BTBD9: variants seen among roughly 807,000 people sequenced by gnomAD.
The protein encoded by BTBD9 is BTB domain containing 9.
Under a neutral mutation model 64.3 loss-of-function variants are expected in BTBD9, and 49 were observed. That is an observed-to-expected ratio of 0.76 (90% CI 0.61 to 0.97). The LOEUF (loss-of-function observed/expected upper bound fraction) is 0.97. Among genes scored for constraint, BTBD9 ranks in the 50% least tolerant of loss-of-function variants. The pLI is 0.00. For missense variants in BTBD9, 598 were observed against 762.1 expected, an observed-to-expected ratio of 0.78 and a Z score of 2.53; for synonymous variants, 260 against 274.7, an observed-to-expected ratio of 0.95 and a Z score of 0.53.
intron 9 of BTBD9, among the ~76,000 whole-genome samples, chr6:38,243,682 G>A (rs1764085358): frequency 6.6e-6 from 1 of 152,156 alleles, no homozygotes; most frequent in African/African-American, 2.4e-5. Flanking sequence ...AACAAAAGCA[G>A]GGACACCAAA....
chr6:38,400,274 C>G (rs1167790108), intron 6 of BTBD9, among the ~76,000 whole-genome samples: 2 of 152,106 alleles, frequency 1.3e-5, no homozygotes, highest in Non-Finnish European at 2.9e-5. Flanking sequence ...AGCAACACAC[C>G]TGTTTTAAGT....
chr6:38,168,605 TCC>T lies in BTBD9; in HGVS notation c.*6378_*6379del, dbSNP rs1766616363. 1 of 152,200 alleles carries T rather than the reference TCC, an allele frequency of 6.6e-6. No individual in the cohort carries two copies. The highest frequency in any genetic ancestry group is 1.5e-5 in the Non-Finnish European group (1 of 68,038). 9.4% of individuals were successfully genotyped at this position (152,200 alleles called of 1,614,324 possible). ...CATCGTGCTCACAAATAATACACAT[TCC>T]ACATAGCAGCACAGCCTTTTGGGCA... On this transcript the variant is annotated 3_prime_UTR_variant, in exon 11 of 11. Transcript: ENST00000481247.
At chr6:38,580,458 A>G in intron 4 of BTBD9, 21 bp from the exon 5 acceptor site, 1 of 1,587,876 alleles carries the variant, frequency 6.3e-7, no homozygotes, top group Non-Finnish European at 8.6e-7. Context: ...AAATAGAAAA[A>G]GCAAGGTTAA....
At chr6:38,320,879 G>A (rs973487504) in intron 7 of BTBD9, among the ~76,000 whole-genome samples, 2 of 152,120 alleles carry the variant, frequency 1.3e-5, no homozygotes, top group Non-Finnish European at 2.9e-5. Context: ...AGGATAAGAG[G>A]CAAAGGAAGA....
rs532142501 is a variant in BTBD9, at chr6:38,543,331, C to A, written c.1154+34269G>T. Among the ~76,000 whole-genome samples, 165 of 152,324 alleles carry A rather than the reference C, an allele frequency of 1.1e-3. 2 individuals carry two copies. Among genetic ancestry groups the A allele is most frequent in the South Asian group, 9.5e-3 (46 of 4,822 alleles). On this transcript the variant is annotated intron_variant, in intron 6 of 10. Coordinates refer to ENST00000481247, the MANE Select transcript of BTBD9 (RefSeq NM_001099272.2). ...TATTTTCTTCACAGCAATCACTGAT[C>A]TTTAACATTACCTTGCTTACTGATT...
At chr6:38,382,293 T>C (rs1397907959) in intron 6 of BTBD9, among the ~76,000 whole-genome samples, 1 of 151,850 alleles carries the variant, frequency 6.6e-6, no homozygotes, top group Non-Finnish European at 1.5e-5. Context: ...TAATTGTGGT[T>C]GTGGATTTTG....
intron 6 of BTBD9, among the ~76,000 whole-genome samples, chr6:38,489,537 C>T (rs779158027): frequency 2.0e-5 from 3 of 152,070 alleles, no homozygotes; most frequent in Non-Finnish European, 4.4e-5. Flanking sequence ...TTTTGTGTCA[C>T]GTAAATTTTC....
intron 7 of BTBD9, among the ~76,000 whole-genome samples, chr6:38,319,137 G>C (rs1396467246): frequency 6.6e-6 from 1 of 152,050 alleles, no homozygotes; most frequent in Non-Finnish European, 1.5e-5. Context: ...TGCCAGGCCT[G>C]GCACTCACCC....
At chr6:38,325,928 A>T (rs1170681934) in intron 7 of BTBD9, among the ~76,000 whole-genome samples, 1 of 152,234 alleles carries the variant, frequency 6.6e-6, no homozygotes, top group Non-Finnish European at 1.5e-5. Flanking sequence ...GGAATACAGC[A>T]GTGAACAAAA....
chr6:38,305,882 C>G (rs1035709107), intron 7 of BTBD9, among the ~76,000 whole-genome samples: 1 of 152,218 alleles, frequency 6.6e-6, no homozygotes, highest in Non-Finnish European at 1.5e-5. Flanking sequence ...TATCAAATGT[C>G]ACCACTGGTT....
At chr6:38,371,211 C>T (rs969658068) in intron 6 of BTBD9, among the ~76,000 whole-genome samples, 9 of 152,294 alleles carry the variant, frequency 5.9e-5, no homozygotes, top group Non-Finnish European at 1.0e-4. Flanking sequence ...TACTGAAAGA[C>T]GATCCAGTCT....
chr6:38,499,226 T>C (rs531659581), intron 6 of BTBD9, among the ~76,000 whole-genome samples: 6 of 151,974 alleles, frequency 3.9e-5, no homozygotes, highest in African/African-American at 2.4e-5. Context: ...GTATTGCCCA[T>C]TGTACACTGC....
chr6:38,255,855 G>C (rs1474375247), intron 9 of BTBD9, among the ~76,000 whole-genome samples: 1 of 152,066 alleles, frequency 6.6e-6, no homozygotes, highest in African/African-American at 2.4e-5. Flanking sequence ...TCATAGGTGG[G>C]AATTGAACAA....
intron 6 of BTBD9, among the ~76,000 whole-genome samples, chr6:38,382,016 C>A (rs947875856): frequency 1.3e-5 from 2 of 152,156 alleles, no homozygotes; most frequent in African/African-American, 4.8e-5. Flanking sequence ...GGTTCCATCT[C>A]TTAATGAAAA....
chr6:38,631,626 C>A (rs1778365723), intron 1 of BTBD9, among the ~76,000 whole-genome samples: 1 of 152,150 alleles, frequency 6.6e-6, no homozygotes, highest in South Asian at 2.1e-4. Context: ...CAACAGCCAG[C>A]AAGGAACTGA....
intron 9 of BTBD9, among the ~76,000 whole-genome samples, chr6:38,239,965 C>T (rs759892411): frequency 7.9e-5 from 12 of 152,288 alleles, no homozygotes; most frequent in South Asian, 2.1e-4. Context: ...CAACAAAACA[C>T]GGTCAATTTA....
chr6:38,435,365 G>C (rs1054468665), intron 6 of BTBD9, among the ~76,000 whole-genome samples: 10 of 151,150 alleles, frequency 6.6e-5, no homozygotes, highest in African/African-American at 2.2e-4. Context: ...GCCCGGTGTG[G>C]TGGCGGTGCC....
chr6:38,490,677 G>A (rs1235136383), intron 6 of BTBD9, among the ~76,000 whole-genome samples: 1 of 152,172 alleles, frequency 6.6e-6, no homozygotes, highest in African/African-American at 2.4e-5. Context: ...GGAAGTCAGT[G>A]CTAGATGTTC....
At chr6:38,579,826 T>C (rs1408068332) in intron 5 of BTBD9, among the ~76,000 whole-genome samples, 1 of 152,224 alleles carries the variant, frequency 6.6e-6, no homozygotes, top group African/African-American at 2.4e-5. Context: ...GCTTTTTGTA[T>C]ATCTAATCTT....
Sources: allele counts gnomAD v4.1 joint callset (sites outside exome capture counted in the v4.1 genomes callset), GRCh38; gene constraint gnomAD v4.1.1; transcripts MANE v1.5; gene names NCBI Gene and HGNC (gene_info 2026-07-23, HGNC 2026-07-21).